The following NCKAP5 variants were observed in gnomAD, a reference collection of about 807,000 sequenced individuals.
The protein encoded by NCKAP5 is NCK associated protein 5.
A neutral mutation model predicts 167.0 loss-of-function variants in NCKAP5; 92 were observed. The ratio of observed to expected loss-of-function variants is 0.55; its 90% CI spans 0.47 to 0.66. NCKAP5 has a LOEUF of 0.66. Among genes scored for constraint, NCKAP5 ranks in the 30% least tolerant of loss-of-function variants. NCKAP5 has a pLI of 0.00. For synonymous variants in NCKAP5, 891 were observed against 877.4 expected, an observed-to-expected ratio of 1.02 and a Z score of -0.27; for missense variants, 2,378 against 2,315.0, an observed-to-expected ratio of 1.03 and a Z score of -0.56.
chr2:132,851,908 C>T (rs1689109579), intron 11 of NCKAP5, among the ~76,000 whole-genome samples: 1 of 152,166 alleles, frequency 6.6e-6, no homozygotes, highest in Non-Finnish European at 1.5e-5. Flanking sequence ...AAACACTAGT[C>T]TTTCATGTCA....
In NCKAP5 at chr2:133,064,958, T is replaced by C. The variant is rs550235584; in HGVS notation, c.341+65020A>G. 2.6e-4 allele frequency among the ~76,000 whole-genome samples: 40 copies of C among 152,352 alleles called. No individual in the cohort carries two copies. The Middle Eastern group carries it at 0.014, about 52-fold the overall frequency. On this transcript the variant is annotated intron_variant, in intron 6 of 19. Coordinates refer to ENST00000409261, the MANE Select transcript of NCKAP5 (RefSeq NM_207363.3). ...CAGAAGCAGGCTCCTTAGCATCTGA[T>C]TAAAATCTCAGTGTTCTAAGCATTG...
intron 2 of NCKAP5, among the ~76,000 whole-genome samples, chr2:133,554,621 A>G (rs1322756115): frequency 3.9e-5 from 6 of 152,202 alleles, no homozygotes; most frequent in Non-Finnish European, 8.8e-5. Flanking sequence ...ATCAAAATAA[A>G]GTGAAAGATA....
chr2:133,243,575 G>A (rs2087829304), intron 4 of NCKAP5, among the ~76,000 whole-genome samples: 1 of 152,082 alleles, frequency 6.6e-6, no homozygotes, highest in Non-Finnish European at 1.5e-5. Flanking sequence ...TACCCTCACG[G>A]ATGCCATGGC....
chr2:133,223,738 C>T (rs1036395705), intron 4 of NCKAP5, among the ~76,000 whole-genome samples: 9 of 152,068 alleles, frequency 5.9e-5, no homozygotes, highest in African/African-American at 9.7e-5. Flanking sequence ...GCATAAAAGT[C>T]GGTAAGTTTA....
intron 8 of NCKAP5, among the ~76,000 whole-genome samples, chr2:132,893,385 C>A (rs940180293): frequency 4.6e-5 from 7 of 152,128 alleles, no homozygotes; most frequent in African/African-American, 1.7e-4. Context: ...TTTTCTAGCC[C>A]TCAGACAGAA....
intron 3 of NCKAP5, among the ~76,000 whole-genome samples, chr2:133,303,448 G>C (rs746442855): frequency 6.6e-6 from 1 of 152,098 alleles, no homozygotes. Flanking sequence ...TATAGAAAAA[G>C]AAAATAGACA....
chr2:133,444,369 T>C (rs1691051827), intron 3 of NCKAP5, among the ~76,000 whole-genome samples: 1 of 147,768 alleles, frequency 6.8e-6, no homozygotes, highest in Admixed American at 6.7e-5. Flanking sequence ...GATAGATAGA[T>C]AGATAGATAG....
At chr2:132,700,311 C>T (rs774628401) in intron 19 of NCKAP5, among the ~76,000 whole-genome samples, 19 of 150,798 alleles carry the variant, frequency 1.3e-4, no homozygotes, top group African/African-American at 4.0e-4. Context: ...TTTGCTGTGC[C>T]GAAGCTCTTT....
chr2:132,690,950 A>C (rs150533947), intron 19 of NCKAP5, among the ~76,000 whole-genome samples: 1 of 152,014 alleles, frequency 6.6e-6, no homozygotes, highest in Non-Finnish European at 1.5e-5. Flanking sequence ...ATTTCCCTCC[A>C]TCCTTAAAGA....
intron 8 of NCKAP5, among the ~76,000 whole-genome samples, chr2:132,946,918 T>G (rs1051925883): frequency 6.6e-6 from 1 of 152,128 alleles, no homozygotes; most frequent in African/African-American, 2.4e-5. Context: ...AGTTTGTATA[T>G]GAAGCCAAAT....
chr2:133,161,891 C>A lies in NCKAP5; in HGVS notation c.208-31780G>T, dbSNP rs548542282. Reference sequence around the variant, plus strand: ...TCTTCTCCTATATAGGATCTTCTTCCATATAGGATCTCCTGTATCAGGGAT... The same window carrying A: ...TCTTCTCCTATATAGGATCTTCTTCAATATAGGATCTCCTGTATCAGGGAT... On this transcript the variant is annotated intron_variant, in intron 5 of 19. Transcript: ENST00000409261. Among the ~76,000 whole-genome samples the A allele has an allele frequency of 1.3e-4, 20 of 152,258 alleles. No homozygotes were observed. In the South Asian group the frequency reaches 3.9e-3, roughly 30 times the overall value.
In NCKAP5 at chr2:133,235,299, C is replaced by T. The variant is rs141727432; in HGVS notation, c.144-21520G>A. ...ATGTGCACATTCCAAACTGAGGTCA[C>T]GCAAGGGGTGACGCTCCACAGCTCT... On this transcript the variant is annotated intron_variant, in intron 4 of 19. Transcript: ENST00000409261. 9.6e-3 allele frequency among the ~76,000 whole-genome samples: 1,464 copies of T among 152,170 alleles called. 8 individuals carry two copies. The highest frequency in any genetic ancestry group is 0.017 in the Middle Eastern group (5 of 294).
chr2:133,339,940 T>C (rs75203217), intron 3 of NCKAP5, among the ~76,000 whole-genome samples: 2,392 of 152,266 alleles, frequency 0.016, 64 homozygotes, highest in African/African-American at 0.054. Context: ...GTTTTACATA[T>C]ATGGTTTCAG....
chr2:132,794,562 G>A (rs1358794047), intron 12 of NCKAP5, among the ~76,000 whole-genome samples: 1 of 151,364 alleles, frequency 6.6e-6, no homozygotes, highest in Non-Finnish European at 1.5e-5. Context: ...CTTGAATCAG[G>A]GAGGTGGAGG....
chr2:133,381,518 A>G (rs1686521283), intron 3 of NCKAP5: 1 of 152,250 alleles, frequency 6.6e-6, no homozygotes, highest in South Asian at 2.1e-4. Context: ...ACCATTCCTC[A>G]AACTGTTTGT....
intron 19 of NCKAP5, among the ~76,000 whole-genome samples, chr2:132,707,068 G>A (rs550806891): frequency 1.3e-5 from 2 of 152,330 alleles, no homozygotes; most frequent in South Asian, 2.1e-4. Context: ...AATCAGGTGA[G>A]CAATCACAGT....
chr2:133,618,246 A>G, the NCKAP5 span, among the ~76,000 whole-genome samples: 1 of 151,628 alleles, frequency 6.6e-6, no homozygotes, highest in South Asian at 2.1e-4. Context: ...AGGCATGGGC[A>G]AGGACTTCAT....
chr2:132,723,214 C>T (rs145033988), intron 19 of NCKAP5, among the ~76,000 whole-genome samples: 8,743 of 142,512 alleles, frequency 0.061, 886 homozygotes, highest in African/African-American at 0.22. Context: ...GGCATGATCT[C>T]GGCTCACTGC....
chr2:133,598,922 T>A, the NCKAP5 span, among the ~76,000 whole-genome samples: 1 of 152,228 alleles, frequency 6.6e-6, no homozygotes, highest in Non-Finnish European at 1.5e-5. Flanking sequence ...CTTCTGCTGG[T>A]TGCTGGCAGT....
Sources: gnomAD v4.1 joint callset for allele counts (sites outside exome capture counted in the v4.1 genomes callset) on GRCh38, gnomAD v4.1.1 for gene constraint, MANE v1.5 for transcripts, NCBI Gene and HGNC (gene_info 2026-07-23, HGNC 2026-07-21) for gene names.